The following TSC22D2 variants were observed in gnomAD, a reference collection of about 807,000 sequenced individuals.
TSC22D2 encodes TSC22 domain family protein 2.
TSC22D2 carries 5 observed loss-of-function variants against 50.1 expected under a neutral mutation model. The observed-to-expected ratio is 0.10, with a 90% CI of 0.05 to 0.21. The LOEUF (loss-of-function observed/expected upper bound fraction) is 0.21. Ranked by LOEUF, TSC22D2 falls within the 10% of genes least tolerant of loss-of-function variation. The pLI, the probability that TSC22D2 is intolerant of heterozygous loss-of-function variation, is 1.00. For missense variants in TSC22D2, 1,003 were observed against 1,015.5 expected (o/e 0.99, Z 0.17); for synonymous variants, 501 against 450.1 (o/e 1.11, Z -1.43).
Position 150,459,574 on chromosome 3 carries a change from T to G in TSC22D2, c.*938T>G, listed in dbSNP as rs1447574539. On this transcript the variant is annotated 3_prime_UTR_variant, in exon 3 of 3. Coordinates refer to ENST00000688009, the MANE Select transcript of TSC22D2 (RefSeq NM_001303264.2). ...ATGGAGTTTGGTTTTTTTTTGTTGT[T>G]TTTTTTTTTTTGTCTTTTTTTTTTT... is the stretch of plus-strand genomic sequence containing the variant. 20 of 50,798 alleles carry G rather than the reference T, an allele frequency of 3.9e-4. No individual in the cohort carries two copies. The highest frequency in any genetic ancestry group is 1.3e-3 in the African/African-American group (17 of 13,204). The allele number at this position is 50,798 out of a possible 1,614,324, so 3.1% of individuals were successfully genotyped here.
Position 150,410,627 on chromosome 3 carries a change from T to G in TSC22D2, c.1277T>G (p.Leu426Arg). ...GQNASSVGAQLMGASSQPSEA... is the reference protein window; with the variant it reads ...GQNASSVGAQRMGASSQPSEA... ...AATGCTTCCTCGGTGGGCGCGCAGC[T>G]CATGGGCGCGTCTTCCCAGCCCAGC... Residue 426 changes from leucine to arginine, a missense_variant, in exon 1 of 3, where the codon CTC (leucine) becomes CGC (arginine). Around this residue, in one of 6 missense-constraint regions of TSC22D2, gnomAD observed 696 missense variants for 647.8 expected, o/e 1.07. Transcript: ENST00000688009. The G allele has an allele frequency of 6.4e-7, 1 of 1,552,686 alleles. No individual in the cohort carries two copies. The highest frequency in any genetic ancestry group is 8.7e-7 in the Non-Finnish European group (1 of 1,151,614).
At position 150,451,567 on chromosome 3, in the gene TSC22D2, T is replaced by C. The variant is rs79362762; in HGVS notation, c.1959-5509T>C. Among the ~76,000 whole-genome samples, 338 of 152,318 alleles carry C rather than the reference T, an allele frequency of 2.2e-3. 1 individual carries two copies. Among genetic ancestry groups the C allele is most frequent in the African/African-American group, 7.9e-3 (328 of 41,566 alleles). ...TAATTCTGGATTTATTTCAGGTCAT[T>C]AGAGATTATTTTTTCACAGTCTTAG... On this transcript the variant is annotated intron_variant, in intron 1 of 2. Transcript: ENST00000688009.
chr3:150,460,022 T>G lies in TSC22D2; in HGVS notation c.*1386T>G, dbSNP rs1721343227. 1 of 152,164 alleles carries G rather than the reference T, an allele frequency of 6.6e-6. No individual in the cohort carries two copies. Among genetic ancestry groups the G allele is most frequent in the Admixed American group, 6.5e-5 (1 of 15,272 alleles). The allele number at this position is 152,164 out of a possible 1,614,324, so 9.4% of individuals were successfully genotyped here. A position where few individuals can be genotyped will look rare whatever the true frequency, so the allele number is the denominator to read the frequency against. ...ATAAATACAGTTTCAAAAGAAAGCA[T>G]CATTTTGTGTATACTAACACATTAA... is the stretch of plus-strand genomic sequence containing the variant. On this transcript the variant is annotated 3_prime_UTR_variant, in exon 3 of 3. Transcript: ENST00000688009.
At chr3:150,412,458 G>A (rs1719627490) in intron 1 of TSC22D2, among the ~76,000 whole-genome samples, 1 of 152,098 alleles carries the variant, frequency 6.6e-6, no homozygotes, top group Non-Finnish European at 1.5e-5. Flanking sequence ...CTCTTCCTAT[G>A]GTTTCTTCTG....
At chr3:150,431,224 C>CAAAAAAAAAAAAA (rs71138443) in intron 1 of TSC22D2, among the ~76,000 whole-genome samples, 3 of 27,968 alleles carry the variant, frequency 1.1e-4, no homozygotes, top group African/African-American at 1.6e-4. Flanking sequence ...GGCTCTGTCT[C>CAAAAAAAAAAAAA]AAAAAAAAAA....
chr3:150,447,528 T>C (rs919193550), intron 1 of TSC22D2, among the ~76,000 whole-genome samples: 1 of 152,184 alleles, frequency 6.6e-6, no homozygotes, highest in African/African-American at 2.4e-5. Flanking sequence ...TAGTCCCAAG[T>C]GAAACTTAAA....
chr3:150,422,375 G>A lies in TSC22D2; in HGVS notation c.1958+11067G>A, dbSNP rs1576544975. 5.9e-5 allele frequency among the ~76,000 whole-genome samples: 9 copies of A among 152,312 alleles called. No individual in the cohort carries two copies. The South Asian group carries it at 1.7e-3, about 28-fold the overall frequency. Reference sequence around the variant, plus strand: ...CATCAGTTAAGAGTCTATGGTGAAAGCCCTAGGGAATGGTAGAAATGAAAG... The same window carrying A: ...CATCAGTTAAGAGTCTATGGTGAAAACCCTAGGGAATGGTAGAAATGAAAG... On this transcript the variant is annotated intron_variant, in intron 1 of 2. Coordinates refer to ENST00000688009, the MANE Select transcript of TSC22D2 (RefSeq NM_001303264.2).
At chr3:150,437,541 G>T (rs1017800024) in intron 1 of TSC22D2, among the ~76,000 whole-genome samples, 53 of 152,122 alleles carry the variant, frequency 3.5e-4, no homozygotes, top group African/African-American at 1.2e-3. Context: ...GGTGGCTCAT[G>T]CCTGTAATCC....
chr3:150,433,605 CG>C (rs370327318), intron 1 of TSC22D2, among the ~76,000 whole-genome samples: 22 of 152,116 alleles, frequency 1.4e-4, no homozygotes, highest in African/African-American at 4.8e-4. Context: ...TGATGCTAAC[CG>C]TTGGTCTTCA....
chr3:150,413,547 G>GT (rs1474112513), intron 1 of TSC22D2, among the ~76,000 whole-genome samples: 1 of 144,540 alleles, frequency 6.9e-6, no homozygotes, highest in Non-Finnish European at 1.5e-5. Flanking sequence ...AAATAGTTGG[G>GT]TTTTTTGTTT....
At chr3:150,435,929 A>G (rs1283695467) in intron 1 of TSC22D2, among the ~76,000 whole-genome samples, 1 of 152,140 alleles carries the variant, frequency 6.6e-6, no homozygotes, top group African/African-American at 2.4e-5. Flanking sequence ...CAGTTTTCTC[A>G]TTAAATATTC....
At chr3:150,456,973 T>C in intron 1 of TSC22D2, 103 bp from the exon 2 acceptor site, 1 of 927,266 alleles carries the variant, frequency 1.1e-6, no homozygotes, top group Non-Finnish European at 1.7e-6. Context: ...TAAATTACTG[T>C]ATATTTGGTT....
At position 150,411,321 on chromosome 3, in the gene TSC22D2, C is replaced by G. The variant is rs1364599943; in HGVS notation, c.1958+13C>G. ...GTGATGAAGACAGGTATGGAAATCT[C>G]TATTTTAAATATTTGATAGAAATGC... is the stretch of plus-strand genomic sequence containing the variant. On this transcript the variant is annotated intron_variant, in intron 1 of 2. Transcript: ENST00000688009. The G allele has an allele frequency of 6.3e-7, 1 of 1,581,086 alleles. No individual in the cohort carries two copies. Among genetic ancestry groups the G allele is most frequent in the Non-Finnish European group, 8.6e-7 (1 of 1,161,864 alleles).
At chr3:150,439,768 T>TA (rs1720655694) in intron 1 of TSC22D2, among the ~76,000 whole-genome samples, 1 of 152,212 alleles carries the variant, frequency 6.6e-6, no homozygotes, top group Non-Finnish European at 1.5e-5. Context: ...CAATCCTTGT[T>TA]AGACACCTAA....
At chr3:150,423,867 T>C (rs1035668775) in intron 1 of TSC22D2, among the ~76,000 whole-genome samples, 11 of 152,340 alleles carry the variant, frequency 7.2e-5, no homozygotes, top group African/African-American at 2.6e-4. Context: ...GTTCAAACAA[T>C]GTTTTTAAAA....
At chr3:150,429,143 A>C (rs1465243163) in intron 1 of TSC22D2, among the ~76,000 whole-genome samples, 2 of 152,124 alleles carry the variant, frequency 1.3e-5, no homozygotes, top group Non-Finnish European at 2.9e-5. Context: ...TTAGGGAAGA[A>C]TTCCATGTCA....
At chr3:150,433,164 T>TC (rs1720432367) in intron 1 of TSC22D2, among the ~76,000 whole-genome samples, 1 of 152,216 alleles carries the variant, frequency 6.6e-6, no homozygotes, top group Admixed American at 6.5e-5. Flanking sequence ...CCAGTTTATC[T>TC]CCCAGTTGTT....
At chr3:150,453,841 T>C (rs12485291) in intron 1 of TSC22D2, among the ~76,000 whole-genome samples, 14,519 of 152,258 alleles carry the variant, frequency 0.095, 920 homozygotes, top group South Asian at 0.29. Context: ...GAAGAAGTTA[T>C]GGAACCTTTC....
intron 1 of TSC22D2, among the ~76,000 whole-genome samples, chr3:150,430,805 C>T (rs1355061981): frequency 1.3e-5 from 2 of 151,816 alleles, no homozygotes; most frequent in African/African-American, 4.8e-5. Context: ...ATTTAGATAA[C>T]AGAAGGAAGT....
Sources: gnomAD v4.1 joint callset for allele counts (sites outside exome capture counted in the v4.1 genomes callset) on GRCh38, gnomAD v4.1.1 for gene constraint, gnomAD v4.1.1 regional missense constraint, MANE v1.5 for transcripts, NCBI Gene and HGNC (gene_info 2026-07-23, HGNC 2026-07-21) for gene names.